METTL15: variants seen among roughly 807,000 people sequenced by gnomAD.
METTL15 encodes 12S rRNA N(4)-cytidine methyltransferase METTL15.
Under a neutral mutation model 38.3 loss-of-function variants are expected in METTL15, and 34 were observed. That is an observed-to-expected ratio of 0.89 (90% CI 0.68 to 1.18). METTL15 has a LOEUF of 1.18. Among genes scored for constraint, METTL15 ranks in the 50% most tolerant of loss-of-function variants. METTL15 has a pLI of 0.00. For missense variants in METTL15, 438 were observed against 498.4 expected (o/e 0.88, Z 1.15); for synonymous variants, 162 against 170.9 (o/e 0.95, Z 0.41).
At chr11:28,405,556 A>G (rs1850666464) in intron 5 of METTL15, among the ~76,000 whole-genome samples, 1 of 152,142 alleles carries the variant, frequency 6.6e-6, no homozygotes, top group South Asian at 2.1e-4. Context: ...TGTTCCATAT[A>G]ATATTCTCCT....
rs958304212 is a variant in METTL15 at position 28,332,226 on chromosome 11, G to T, written c.*1385G>T. 8.6e-5 allele frequency: 13 copies of T among 152,028 alleles called. No homozygotes were observed. The highest frequency in any genetic ancestry group is 1.8e-4 in the Non-Finnish European group (12 of 67,998). 9.4% of individuals were successfully genotyped at this position (152,028 alleles called of 1,614,324 possible). The stretch of plus-strand genomic sequence containing the variant: ...CAATCCTACAGGGAAATCAGAATTA[G>T]GAAAAAAATCTGGAGAACAATATGG... On this transcript the variant is annotated 3_prime_UTR_variant, in exon 7 of 7. Transcript: ENST00000407364.
At position 28,222,511 on chromosome 11, in the gene METTL15, G is replaced by A. The variant is rs558525657; in HGVS notation, c.407+11313G>A. 2.3e-4 allele frequency among the ~76,000 whole-genome samples: 35 copies of A among 152,270 alleles called. 1 individual carries two copies. In the East Asian group the frequency reaches 6.6e-3, roughly 29 times the overall value. ...ACCCCTTGCACTTCTGGGGTGAGGC[G>A]ATGCCTCGCCCTGCTTTGGCTCACG... On this transcript the variant is annotated intron_variant, in intron 4 of 6. Coordinates refer to ENST00000407364, the MANE Select transcript of METTL15 (RefSeq NM_001113528.2).
chr11:28,348,557 C>T (rs879527564), intron 3 of METTL15, among the ~76,000 whole-genome samples: 14 of 152,000 alleles, frequency 9.2e-5, no homozygotes, highest in African/African-American at 2.9e-4. Context: ...TTGTAGAGAA[C>T]GGAGTCTCAC....
chr11:28,495,568 G>A (rs995478226), intron 6 of METTL15, among the ~76,000 whole-genome samples: 2 of 152,092 alleles, frequency 1.3e-5, no homozygotes, highest in African/African-American at 4.8e-5. Context: ...TGCCAAGTCA[G>A]GGCTTGAAAG....
chr11:28,197,552 TA>T, intron 3 of METTL15: 1 of 444,352 alleles, frequency 2.3e-6, no homozygotes, highest in South Asian at 1.7e-5. Context: ...TCAGAGAAGT[TA>T]AGTAACTTGC....
intron 5 of METTL15, among the ~76,000 whole-genome samples, chr11:28,388,211 G>C (rs950460886): frequency 6.6e-6 from 1 of 151,984 alleles, no homozygotes; most frequent in East Asian, 1.9e-4. Flanking sequence ...GTCTTAGCCA[G>C]AGCAGTTAAC....
At chr11:28,311,978 G>A (rs911780737) in intron 6 of METTL15, among the ~76,000 whole-genome samples, 21 of 152,206 alleles carry the variant, frequency 1.4e-4, no homozygotes, top group Non-Finnish European at 2.1e-4. Context: ...GGAACCTAAA[G>A]CTTAAGAAGC....
chr11:28,349,426 T>C (rs1850023382), intron 3 of METTL15, among the ~76,000 whole-genome samples: 1 of 152,210 alleles, frequency 6.6e-6, no homozygotes, highest in South Asian at 2.1e-4. Context: ...AGGATACTAA[T>C]ATATTGTCTA....
At chr11:28,328,025 T>A in intron 6 of METTL15, 1 of 1,485,578 alleles carries the variant, frequency 6.7e-7, no homozygotes, top group Non-Finnish European at 9.2e-7. Flanking sequence ...GCAGTTCTTA[T>A]TGATTTATGT....
chr11:28,408,604 G>T (rs1042596894), intron 5 of METTL15, among the ~76,000 whole-genome samples: 2 of 152,066 alleles, frequency 1.3e-5, no homozygotes, highest in African/African-American at 4.8e-5. Context: ...ATAAATAAAT[G>T]ATCATATGGT....
At chr11:28,341,879 C>T (rs1490171094) in intron 3 of METTL15, among the ~76,000 whole-genome samples, 3 of 152,132 alleles carry the variant, frequency 2.0e-5, no homozygotes, top group Non-Finnish European at 4.4e-5. Context: ...CACACCATCA[C>T]CCCAAATTTC....
rs755627617 is a variant in METTL15 at position 28,312,371 on chromosome 11, CAT to C, written c.778+15442_778+15443del. ...AGAAGAAAAAATGTTGACAGTTATG[CAT>C]AGTCTCCTGGAAAACATTAGTCTAG... On this transcript the variant is annotated intron_variant, in intron 6 of 6. Transcript: ENST00000407364. Among the ~76,000 whole-genome samples the C allele has an allele frequency of 7.2e-5, 11 of 152,266 alleles. No homozygotes were observed. The South Asian group carries it at 1.9e-3, about 26-fold the overall frequency.
intron 3 of METTL15, among the ~76,000 whole-genome samples, chr11:28,200,228 T>C (rs1471250045): frequency 6.6e-6 from 1 of 152,192 alleles, no homozygotes; most frequent in Non-Finnish European, 1.5e-5. Context: ...AATCCATCTC[T>C]GCCATTCATT....
intron 3 of METTL15, among the ~76,000 whole-genome samples, chr11:28,204,574 C>T (rs1266096478): frequency 2.0e-5 from 3 of 149,146 alleles, no homozygotes; most frequent in Non-Finnish European, 3.0e-5. Context: ...ATACAGACTT[C>T]ATGACTTAAT....
intron 3 of METTL15, among the ~76,000 whole-genome samples, chr11:28,182,570 G>T (rs907512929): frequency 1.3e-5 from 2 of 151,888 alleles, no homozygotes; most frequent in African/African-American, 4.8e-5. Context: ...GGTTGTAGAT[G>T]TGTGGTGTTA....
At chr11:28,126,094 G>T (rs1347849730) in intron 3 of METTL15, among the ~76,000 whole-genome samples, 2 of 152,024 alleles carry the variant, frequency 1.3e-5, no homozygotes. Flanking sequence ...TTTTCTTGGT[G>T]AAAGTAGGTA....
At chr11:28,135,783 A>G (rs1410792779) in intron 3 of METTL15, among the ~76,000 whole-genome samples, 1 of 152,230 alleles carries the variant, frequency 6.6e-6, no homozygotes, top group Non-Finnish European at 1.5e-5. Flanking sequence ...TCACAGGAGT[A>G]TACCTTACTC....
chr11:28,116,022 A>C (rs1056690896), intron 3 of METTL15, among the ~76,000 whole-genome samples: 1 of 152,006 alleles, frequency 6.6e-6, no homozygotes, highest in Non-Finnish European at 1.5e-5. Context: ...CAATTCCTTA[A>C]CATAAGTCTC....
chr11:28,132,445 C>T (rs1247310802), intron 3 of METTL15, among the ~76,000 whole-genome samples: 1 of 151,860 alleles, frequency 6.6e-6, no homozygotes, highest in Non-Finnish European at 1.5e-5. Context: ...GTCCCTTAAC[C>T]TTACCTTTAA....
Sources: gnomAD v4.1 joint callset for allele counts (sites outside exome capture counted in the v4.1 genomes callset) on GRCh38, gnomAD v4.1.1 for gene constraint, MANE v1.5 for transcripts, NCBI Gene and HGNC (gene_info 2026-07-23, HGNC 2026-07-21) for gene names.